The following DPYD variants were observed in gnomAD, a reference collection of about 807,000 sequenced individuals.
DPYD encodes the protein dihydropyrimidine dehydrogenase.
Under a neutral mutation model 116.2 loss-of-function variants are expected in DPYD, and 109 were observed. The ratio of observed to expected loss-of-function variants is 0.94; its 90% confidence interval spans 0.80 to 1.10. DPYD has a LOEUF of 1.10. DPYD is among the 50% of genes least tolerant of loss of function. DPYD has a pLI of 0.00. For synonymous variants in DPYD, 440 were observed against 432.0 expected (o/e 1.02, Z -0.23); for missense variants, 1,302 against 1,254.5 (o/e 1.04, Z -0.57).
At chr1:97,366,979 CA>C (rs1671072471) in intron 16 of DPYD, among the ~76,000 whole-genome samples, 1 of 152,074 alleles carries the variant, frequency 6.6e-6, no homozygotes, top group Admixed American at 6.6e-5. Context: ...AAAGTGTCTT[CA>C]TATTGTCTCC....
At chr1:97,523,099 T>C (rs2101996966) in intron 12 of DPYD, among the ~76,000 whole-genome samples, 1 of 152,254 alleles carries the variant, frequency 6.6e-6, no homozygotes, top group African/African-American at 2.4e-5. Context: ...CATGACCTCT[T>C]TGATTGTTCA....
At chr1:97,151,632 G>A (rs1655028326) in intron 20 of DPYD, among the ~76,000 whole-genome samples, 1 of 152,022 alleles carries the variant, frequency 6.6e-6, no homozygotes, top group Non-Finnish European at 1.5e-5. Flanking sequence ...CCGAGATTGT[G>A]CCATTGCACT....
chr1:97,173,357 T>TGTATATATGCACACATATATAC lies in DPYD; in HGVS notation c.2622+19711_2622+19712insGTATATATGTGTGCATATATAC, dbSNP rs1557912110. On this transcript the variant is annotated intron_variant, in intron 20 of 22. Transcript: ENST00000370192. ...ATGTGTATATATGCACACATATATG[T>TGTATATATGCACACATATATAC]ACATATATACATATATGTGTGTATA... Among the ~76,000 whole-genome samples the TGTATATATGCACACATATATAC allele has an allele frequency of 9.2e-4, 92 of 99,992 alleles. No individual in the cohort carries two copies. In the East Asian group the frequency reaches 0.013, roughly 15 times the overall value. The allele number at this position is 99,992 out of a possible 152,430, so 65.6% of individuals were successfully genotyped here.
intron 2 of DPYD, among the ~76,000 whole-genome samples, chr1:97,834,097 C>T (rs895725171): frequency 3.3e-5 from 5 of 151,924 alleles, no homozygotes; most frequent in East Asian, 1.9e-4. Flanking sequence ...AGCTTAGAAA[C>T]GGAAGTTACA....
chr1:97,823,305 C>T (rs944419322), intron 3 of DPYD, among the ~76,000 whole-genome samples: 7 of 152,132 alleles, frequency 4.6e-5, no homozygotes, highest in Non-Finnish European at 8.8e-5. Flanking sequence ...CAGGCCCCCG[C>T]CACCATACCC....
chr1:97,901,663 G>C (rs1302634773), intron 1 of DPYD, among the ~76,000 whole-genome samples: 1 of 151,738 alleles, frequency 6.6e-6, no homozygotes, highest in Non-Finnish European at 1.5e-5. Context: ...ATTTAGTACT[G>C]TTTGGCTCAT....
chr1:97,414,654 T>G (rs1674191824), intron 14 of DPYD, among the ~76,000 whole-genome samples: 1 of 152,250 alleles, frequency 6.6e-6, no homozygotes, highest in South Asian at 2.1e-4. Context: ...ACTTCATTTC[T>G]TACTGGACTC....
At chr1:97,199,964 C>T (rs1166768269) in intron 19 of DPYD, among the ~76,000 whole-genome samples, 1 of 152,058 alleles carries the variant, frequency 6.6e-6, no homozygotes, top group African/African-American at 2.4e-5. Context: ...CTCACTTCAT[C>T]TGAAAAGTAA....
chr1:97,696,599 T>A (rs1661320464), intron 6 of DPYD, among the ~76,000 whole-genome samples: 1 of 152,072 alleles, frequency 6.6e-6, no homozygotes, highest in Admixed American at 6.5e-5. Flanking sequence ...TGTAACAATC[T>A]AAGGCTTTGA....
intron 3 of DPYD, among the ~76,000 whole-genome samples, chr1:97,768,713 A>C (rs146236117): frequency 2.0e-5 from 3 of 152,274 alleles, no homozygotes; most frequent in African/African-American, 7.2e-5. Context: ...ATTTTCATGC[A>C]TGTAGGGCTT....
intron 10 of DPYD, among the ~76,000 whole-genome samples, chr1:97,584,991 C>G (rs999718202): frequency 4.7e-5 from 7 of 150,330 alleles, no homozygotes; most frequent in African/African-American, 1.7e-4. Flanking sequence ...AAAATGTGTA[C>G]TTATTTAAAA....
intron 18 of DPYD, among the ~76,000 whole-genome samples, chr1:97,239,483 CT>C (rs1662178840): frequency 1.3e-5 from 2 of 150,536 alleles, no homozygotes; most frequent in Admixed American, 6.6e-5. Context: ...TTTTTTTTTC[CT>C]GGTTCATCAG....
intron 1 of DPYD, among the ~76,000 whole-genome samples, chr1:97,888,105 TATG>T (rs1672598103): frequency 6.6e-6 from 1 of 152,008 alleles, no homozygotes; most frequent in Non-Finnish European, 1.5e-5. Flanking sequence ...ACAAGGAAAG[TATG>T]ATGACAATGT....
At chr1:97,267,023 G>A (rs1261154591) in intron 18 of DPYD, among the ~76,000 whole-genome samples, 3 of 152,080 alleles carry the variant, frequency 2.0e-5, no homozygotes, top group Non-Finnish European at 2.9e-5. Flanking sequence ...AACATGATTT[G>A]TAATCCTTTG....
intron 12 of DPYD, among the ~76,000 whole-genome samples, chr1:97,534,113 C>T (rs1402664517): frequency 6.6e-6 from 1 of 152,150 alleles, no homozygotes; most frequent in Admixed American, 6.5e-5. Context: ...TAAGTGCCTA[C>T]ATATGGCAGG....
At chr1:97,467,225 G>A (rs1336115611) in intron 13 of DPYD, among the ~76,000 whole-genome samples, 3 of 152,154 alleles carry the variant, frequency 2.0e-5, no homozygotes, top group Non-Finnish European at 2.9e-5. Flanking sequence ...GAGAACTAAG[G>A]GCTGAACTTT....
At chr1:97,801,540 A>G (rs76086894) in intron 3 of DPYD, among the ~76,000 whole-genome samples, 2 of 151,898 alleles carry the variant, frequency 1.3e-5, no homozygotes, top group South Asian at 4.1e-4. Flanking sequence ...CAGAAGAAAA[A>G]TAAATTAGAA....
Position 97,510,120 on chromosome 1 carries a change from A to C in DPYD, c.1740+5606T>G, listed in dbSNP as rs1425098705. Among the ~76,000 whole-genome samples the C allele has an allele frequency of 1.1e-4, 16 of 151,506 alleles. No homozygotes were observed. The East Asian group carries it at 2.7e-3, about 26-fold the overall frequency. On this transcript the variant is annotated intron_variant, in intron 13 of 22. Transcript: ENST00000370192. ...AAACAAACAAACAAACAACAACAAA[A>C]AAAAAAAAACTCAGAGGAGAAAACC...
intron 3 of DPYD, chr1:97,797,066 A>G (rs1667607476): frequency 6.6e-6 from 1 of 152,150 alleles, no homozygotes; most frequent in African/African-American, 2.4e-5. Context: ...GTTCAAATGA[A>G]TAACAAGTAA....
Sources: allele counts gnomAD v4.1 joint callset (sites outside exome capture counted in the v4.1 genomes callset), GRCh38; gene constraint gnomAD v4.1.1; transcripts MANE v1.5; gene names NCBI Gene and HGNC (gene_info 2026-07-23, HGNC 2026-07-21).